ANKRD31: variants seen among roughly 807,000 people sequenced by gnomAD.
The protein encoded by ANKRD31 is ankyrin repeat domain-containing protein 31.
In ANKRD31, 147 loss-of-function variants were observed where a neutral mutation model predicts 186.0. That is an observed-to-expected ratio of 0.79 (90% confidence interval 0.69 to 0.91). The LOEUF (loss-of-function observed/expected upper bound fraction) is 0.91. Among genes scored for constraint, ANKRD31 ranks in the 40% least tolerant of loss-of-function variants. ANKRD31 has a pLI of 0.00. For missense variants in ANKRD31, 1,986 were observed against 2,148.8 expected (o/e 0.92, Z 1.50); for synonymous variants, 673 against 736.4 (o/e 0.91, Z 1.39).
At chr5:75,090,292 T>C (rs1357989228) in intron 23 of ANKRD31, among the ~76,000 whole-genome samples, 3 of 152,108 alleles carry the variant, frequency 2.0e-5, no homozygotes, top group African/African-American at 2.4e-5. Context: ...ACAGACCATA[T>C]AGCAGATAGA....
intron 24 of ANKRD31, 25 bp downstream of exon 24, chr5:75,084,247 G>T: frequency 1.3e-6 from 2 of 1,492,102 alleles, no homozygotes; most frequent in Non-Finnish European, 1.8e-6. Context: ...CCACAACGAA[G>T]AAATGAGTGT....
intron 15 of ANKRD31, among the ~76,000 whole-genome samples, chr5:75,143,418 GA>G (rs1159506826): frequency 6.6e-6 from 1 of 152,116 alleles, no homozygotes; most frequent in African/African-American, 2.4e-5. Context: ...GTTTACATGA[GA>G]GGGGGAAAAT....
chr5:75,134,127 AT>A (rs34087156), intron 17 of ANKRD31, among the ~76,000 whole-genome samples: 1,713 of 152,290 alleles, frequency 0.011, 22 homozygotes, highest in South Asian at 0.017. Flanking sequence ...GAGCAAACAC[AT>A]TCAAAAGCTA....
At chr5:75,215,324 C>G (rs538713256) in intron 3 of ANKRD31, among the ~76,000 whole-genome samples, 7 of 152,160 alleles carry the variant, frequency 4.6e-5, no homozygotes, top group Non-Finnish European at 1.0e-4. Flanking sequence ...AAAACACTCA[C>G]AGAATATCCA....
At chr5:75,125,909 A>C (rs1216983641) in intron 17 of ANKRD31, among the ~76,000 whole-genome samples, 1 of 152,230 alleles carries the variant, frequency 6.6e-6, no homozygotes, top group African/African-American at 2.4e-5. Flanking sequence ...GTTTAAAAAA[A>C]AATCAGGCTT....
chr5:75,200,224 AC>A (rs1386272439), intron 5 of ANKRD31, among the ~76,000 whole-genome samples: 3 of 151,886 alleles, frequency 2.0e-5, no homozygotes, highest in African/African-American at 4.8e-5. Flanking sequence ...AGCAATTCAC[AC>A]CCAAGTTAGG....
chr5:75,107,301 G>A (rs923632041), intron 21 of ANKRD31, among the ~76,000 whole-genome samples: 6 of 151,912 alleles, frequency 3.9e-5, no homozygotes, highest in Non-Finnish European at 5.9e-5. Flanking sequence ...TTAAGATACC[G>A]AAATGTTCTT....
At position 75,104,615 on chromosome 5, in the gene ANKRD31, T is replaced by G; in HGVS notation, c.4944A>C (p.Ala1648=). ...GGGCAGCATTTTCGGCAAGGACACT[T>G]GCAGTTTCTGAAATATTTAATTTGC... ...VIGKLNISET[A]SVLAENAAHP... The change falls in exon 22 of 26, where the codon GCA becomes GCC. Residue 1648 remains alanine, a synonymous_variant. Coordinates refer to ENST00000506364, the MANE Select transcript of ANKRD31 (RefSeq NM_001372053.1). The G allele has an allele frequency of 2.0e-6, 3 of 1,536,646 alleles. No homozygotes were observed. Among genetic ancestry groups the G allele is most frequent in the Non-Finnish European group, 1.7e-6 (2 of 1,146,662 alleles).
intron 11 of ANKRD31, among the ~76,000 whole-genome samples, chr5:75,161,785 C>A (rs1752586882): frequency 6.6e-6 from 1 of 152,184 alleles, no homozygotes; most frequent in African/African-American, 2.4e-5. Context: ...TCAGCCATGG[C>A]TGAAAGGGAC....
chr5:75,225,480 G>T, intron 2 of ANKRD31: 1 of 188,802 alleles, frequency 5.3e-6, no homozygotes, highest in Non-Finnish European at 1.1e-5. Context: ...TAGGCAGGAT[G>T]GTCATACAGT....
At position 75,162,988 on chromosome 5, in the gene ANKRD31, T is replaced by G. The variant is rs1052258492; in HGVS notation, c.1707+5991A>C. ...GTCTTTTTTTAAGCTAAACATTTGT[T>G]TCTTGATACAGTAACTGAATTACCT... On this transcript the variant is annotated intron_variant, in intron 11 of 25. Transcript: ENST00000506364. 7.4e-4 allele frequency among the ~76,000 whole-genome samples: 113 copies of G among 152,348 alleles called. 1 individual carries two copies. The highest frequency in any genetic ancestry group is 2.6e-3 in the African/African-American group (107 of 41,570).
chr5:75,091,267 C>A lies in ANKRD31; in HGVS notation c.5466G>T (p.Trp1822Cys), dbSNP rs1264772770. The change falls in exon 23 of 26, where the codon TGG (tryptophan) becomes TGT (cysteine). Residue 1822 changes from tryptophan (W) to cysteine (C), a missense_variant. By Grantham distance (215) the Trp-to-Cys change is radical. Transcript: ENST00000506364. ...AAACTTAAGAATGACCCACCTTACT[C>A]CAAGCATAATTCCAGGTCACATAAC... ...GNSYVTWNYA[W>C]SKVTYLGKEL... is the part of the protein sequence containing the mutation. 1 of 1,535,626 alleles carries A rather than the reference C, an allele frequency of 6.5e-7. No homozygotes were observed. The highest frequency in any genetic ancestry group is 8.7e-7 in the Non-Finnish European group (1 of 1,146,554).
rs375775783 is a variant in ANKRD31, at chr5:75,104,811, C to T, written c.4748G>A (p.Cys1583Tyr). The T allele has an allele frequency of 1.9e-4, 287 of 1,537,184 alleles. No individual in the cohort carries two copies. The African/African-American group carries it at 2.1e-3, about 11-fold the overall frequency. Reference protein sequence around the residue: ...DMNSKQNGSDCTLDGFPKSRH... With the variant: ...DMNSKQNGSDYTLDGFPKSRH... Reference sequence around the variant, plus strand: ...GGATTTTGGAAAACCATCCAAGGTACAATCACTGCCATTTTGTTTAGAATT... The same window carrying T: ...GGATTTTGGAAAACCATCCAAGGTATAATCACTGCCATTTTGTTTAGAATT... The change falls in exon 22 of 26, where the codon TGT becomes TAT. Residue 1583 changes from cysteine to tyrosine, a missense_variant. Cys to Tyr is a radical substitution (Grantham distance 194). Transcript: ENST00000506364.
At position 75,131,580 on chromosome 5, in the gene ANKRD31, G is replaced by A. The variant is rs535085102; in HGVS notation, c.3876+6276C>T. 5.3e-5 allele frequency among the ~76,000 whole-genome samples: 8 copies of A among 152,268 alleles called. No individual in the cohort carries two copies. In the East Asian group the frequency reaches 1.5e-3, roughly 29 times the overall value. ...CCTGCCTCTGTAGACTCCACCTCTG[G>A]GGGCAAGGCATAGCTGAACAAACAA... is the stretch of plus-strand genomic sequence containing the variant. On this transcript the variant is annotated intron_variant, in intron 17 of 25. Coordinates refer to ENST00000506364, the MANE Select transcript of ANKRD31 (RefSeq NM_001372053.1).
At chr5:75,192,131 G>C (rs1755156452) in intron 9 of ANKRD31, among the ~76,000 whole-genome samples, 1 of 152,064 alleles carries the variant, frequency 6.6e-6, no homozygotes, top group Non-Finnish European at 1.5e-5. Context: ...TATCGCTGCA[G>C]TATTATTATC....
chr5:75,200,924 G>A (rs1453201162), intron 5 of ANKRD31, among the ~76,000 whole-genome samples: 3 of 143,532 alleles, frequency 2.1e-5, no homozygotes. Context: ...AAAAAAAAAA[G>A]AAAAGAAAAA....
chr5:75,125,933 C>T (rs144810696), intron 17 of ANKRD31, among the ~76,000 whole-genome samples: 66 of 152,290 alleles, frequency 4.3e-4, no homozygotes, highest in Non-Finnish European at 7.1e-4. Flanking sequence ...GAAGTGATCA[C>T]GACTACAATA....
At chr5:75,122,455 G>A (rs948701699) in intron 17 of ANKRD31, among the ~76,000 whole-genome samples, 2 of 151,642 alleles carry the variant, frequency 1.3e-5, no homozygotes, top group Admixed American at 6.6e-5. Context: ...TGACACCAAA[G>A]TCTGACAAGA....
chr5:75,198,657 C>G (rs1316903162), intron 6 of ANKRD31, among the ~76,000 whole-genome samples: 1 of 152,100 alleles, frequency 6.6e-6, no homozygotes, highest in Non-Finnish European at 1.5e-5. Flanking sequence ...AGAGAGGGAG[C>G]AATTACTTTG....
Sources: gnomAD v4.1 joint callset for allele counts (sites outside exome capture counted in the v4.1 genomes callset) on GRCh38, gnomAD v4.1.1 for gene constraint, MANE v1.5 for transcripts, NCBI Gene and HGNC (gene_info 2026-07-23, HGNC 2026-07-21) for gene names.